Variants in SAMD12 observed in about 807,000 individuals in gnomAD.
SAMD12 encodes sterile alpha motif domain-containing protein 12.
In SAMD12, 9 loss-of-function variants were observed where a neutral mutation model predicts 15.0. The observed-to-expected ratio is 0.60, with a 90% confidence interval of 0.36 to 1.05. SAMD12 has a LOEUF of 1.05. Ranked by LOEUF, SAMD12 falls within the 50% of genes least tolerant of loss-of-function variation. The probability of loss-of-function intolerance (pLI) is 0.01; values close to 1 mark genes in which losing one functional copy is unlikely to be tolerated. For synonymous variants in SAMD12, 86 were observed against 90.1 expected (o/e 0.96, Z 0.25); for missense variants, 230 against 234.2 (o/e 0.98, Z 0.12).
downstream of SAMD12, among the ~76,000 whole-genome samples, chr8:118,184,528 C>A (rs1180515083): frequency 1.3e-5 from 2 of 152,154 alleles, no homozygotes; most frequent in Non-Finnish European, 2.9e-5. Flanking sequence ...CAGAGTCTCA[C>A]TCTATCACCC....
intron 4 of SAMD12, among the ~76,000 whole-genome samples, chr8:118,198,304 A>G (rs922755289): frequency 6.6e-6 from 1 of 152,182 alleles, no homozygotes; most frequent in African/African-American, 2.4e-5. Context: ...AGATTAAACT[A>G]ATTGAATTGC....
At chr8:118,502,688 G>A (rs1019273151) in intron 2 of SAMD12, among the ~76,000 whole-genome samples, 10 of 152,152 alleles carry the variant, frequency 6.6e-5, no homozygotes, top group African/African-American at 1.7e-4. Flanking sequence ...CTCAGCCACC[G>A]CTATAATTTT....
intron 2 of SAMD12, among the ~76,000 whole-genome samples, chr8:118,552,052 A>G (rs1490403251): frequency 6.6e-6 from 1 of 151,948 alleles, no homozygotes; most frequent in Admixed American, 6.5e-5. Flanking sequence ...ACCAACCAAA[A>G]AGAGTCCAGG....
chr8:118,234,535 C>T (rs769589727), intron 4 of SAMD12, among the ~76,000 whole-genome samples: 4 of 151,684 alleles, frequency 2.6e-5, no homozygotes, highest in Non-Finnish European at 4.4e-5. Flanking sequence ...CATGGTGAAA[C>T]CCCGTCTCTA....
At chr8:118,253,824 C>T (rs775098547) in intron 4 of SAMD12, among the ~76,000 whole-genome samples, 3 of 152,054 alleles carry the variant, frequency 2.0e-5, no homozygotes, top group Non-Finnish European at 4.4e-5. Flanking sequence ...AAATCAAAAC[C>T]CACTTATTCT....
chr8:118,621,646 G>T, intron 1 of SAMD12, 158 bp downstream of exon 1: 1 of 766,190 alleles, frequency 1.3e-6, no homozygotes, highest in Non-Finnish European at 2.3e-6. Context: ...TACTGGCCTT[G>T]GCGGCGCAGG....
intron 2 of SAMD12, among the ~76,000 whole-genome samples, chr8:118,566,093 T>C (rs1826838385): frequency 6.6e-6 from 1 of 152,214 alleles, no homozygotes; most frequent in Non-Finnish European, 1.5e-5. Context: ...AACCTTTCAT[T>C]GATCTTCCAT....
chr8:118,318,340 A>G (rs1173382323), intron 4 of SAMD12, among the ~76,000 whole-genome samples: 3 of 141,906 alleles, frequency 2.1e-5, no homozygotes, highest in Admixed American at 7.0e-5. Context: ...ATATATATAT[A>G]TATATATATA....
chr8:118,337,003 T>G (rs541579935), intron 4 of SAMD12, among the ~76,000 whole-genome samples: 1 of 152,012 alleles, frequency 6.6e-6, no homozygotes, highest in South Asian at 2.1e-4. Context: ...ACACACTGGG[T>G]CCTGTAGTGG....
intron 4 of SAMD12, among the ~76,000 whole-genome samples, chr8:118,291,526 T>G (rs746805308): frequency 2.0e-5 from 3 of 152,196 alleles, no homozygotes; most frequent in Non-Finnish European, 4.4e-5. Flanking sequence ...AATTATTCTT[T>G]CATATCTTTA....
At chr8:118,539,206 A>G (rs7006970) in intron 2 of SAMD12, among the ~76,000 whole-genome samples, 134 of 152,316 alleles carry the variant, frequency 8.8e-4, no homozygotes, top group African/African-American at 2.8e-3. Flanking sequence ...TCTGCTTTGC[A>G]TTTGCTCAGA....
intron 4 of SAMD12, among the ~76,000 whole-genome samples, chr8:118,301,403 G>T (rs569839729): frequency 6.6e-6 from 1 of 152,302 alleles, no homozygotes; most frequent in South Asian, 2.1e-4. Flanking sequence ...TGCTCACTGA[G>T]GGTGGGCCGT....
chr8:118,147,912 C>CTG, the SAMD12 span, among the ~76,000 whole-genome samples: 18,154 of 142,196 alleles, frequency 0.13, 1,208 homozygotes, highest in African/African-American at 0.18. Flanking sequence ...TTTTTTTTTT[C>CTG]TGTGTGTGTG....
At chr8:118,154,821 G>T in the SAMD12 span, among the ~76,000 whole-genome samples, 13 of 152,278 alleles carry the variant, frequency 8.5e-5, no homozygotes, top group African/African-American at 3.1e-4. Flanking sequence ...TGAACCTTGA[G>T]AGCAGTGACA....
chr8:118,491,237 T>G (rs1470813720), intron 2 of SAMD12, among the ~76,000 whole-genome samples: 1 of 152,172 alleles, frequency 6.6e-6, no homozygotes, highest in Non-Finnish European at 1.5e-5. Flanking sequence ...TCTTTGCTCT[T>G]TCATCTAAGT....
intron 4 of SAMD12, among the ~76,000 whole-genome samples, chr8:118,227,008 A>G (rs976880102): frequency 2.6e-5 from 4 of 152,194 alleles, no homozygotes; most frequent in Non-Finnish European, 5.9e-5. Context: ...TAGCAGTCCA[A>G]TTACTGGGTA....
chr8:118,606,097 C>G (rs181812851), intron 1 of SAMD12, among the ~76,000 whole-genome samples: 16 of 152,128 alleles, frequency 1.1e-4, no homozygotes, highest in South Asian at 8.3e-4. Context: ...TAGGAAAAAA[C>G]GAAAGGAACT....
downstream of SAMD12, among the ~76,000 whole-genome samples, chr8:118,187,329 A>C (rs1315306716): frequency 6.6e-6 from 1 of 152,226 alleles, no homozygotes. Context: ...GTGTACATAC[A>C]TCTATATGCC....
At chr8:118,545,836 G>A (rs190597322) in intron 2 of SAMD12, among the ~76,000 whole-genome samples, 23 of 152,288 alleles carry the variant, frequency 1.5e-4, no homozygotes, top group African/African-American at 5.3e-4. Context: ...TAGAGTCTTG[G>A]TTAATCTGTG....
Sources: allele counts gnomAD v4.1 joint callset (sites outside exome capture counted in the v4.1 genomes callset), GRCh38; gene constraint gnomAD v4.1.1; transcripts MANE v1.5; gene names NCBI Gene and HGNC (gene_info 2026-07-23, HGNC 2026-07-21).